The following SCLY variants were observed in gnomAD, a reference collection of about 807,000 sequenced individuals.
SCLY encodes the protein selenocysteine lyase.
SCLY carries 38 observed loss-of-function variants against 50.1 expected under a neutral mutation model. The observed-to-expected ratio is 0.76, with a 90% CI of 0.59 to 0.99. The LOEUF is 0.99. Ranked by LOEUF, SCLY falls within the 50% of genes least tolerant of loss-of-function variation. The pLI is 0.00. For missense variants in SCLY, 600 were observed against 620.0 expected, an observed-to-expected ratio of 0.97 and a Z score of 0.34; for synonymous variants, 243 against 249.4, an observed-to-expected ratio of 0.97 and a Z score of 0.24.
chr2:238,081,908 A>G (rs940447172), intron 5 of SCLY, 72 bp downstream of exon 5: 2 of 1,584,648 alleles, frequency 1.3e-6, no homozygotes, highest in Admixed American at 1.7e-5. Context: ...ATGGCGTTTC[A>G]GGTTTCCCAG....
Position 238,098,789 on chromosome 2 carries a change from T to C in SCLY, c.*434T>C, listed in dbSNP as rs756954821. Reference sequence around the variant, plus strand: ...TTATCTGGAAGATAGAATCCAAGTATTTATAACTCATTGTCAGCCAAATGC... The same window carrying C: ...TTATCTGGAAGATAGAATCCAAGTACTTATAACTCATTGTCAGCCAAATGC... On this transcript the variant is annotated 3_prime_UTR_variant, in exon 12 of 12. Coordinates refer to ENST00000254663, the MANE Select transcript of SCLY (RefSeq NM_016510.7). 3 of 366,030 alleles carry C rather than the reference T, an allele frequency of 8.2e-6. No homozygotes were observed. Among genetic ancestry groups the C allele is most frequent in the African/African-American group, 2.1e-5 (1 of 46,878 alleles). 22.7% of individuals were successfully genotyped at this position (366,030 alleles called of 1,614,324 possible). A position where few individuals can be genotyped will look rare whatever the true frequency, so the allele number is the denominator to read the frequency against.
chr2:238,094,619 G>C (rs41270749), intron 10 of SCLY, 97 bp downstream of exon 10: 52,078 of 1,055,200 alleles, frequency 0.049, 2,531 homozygotes, highest in East Asian at 0.19. Context: ...GCCCTGCCCT[G>C]AGCATGACAC....
At chr2:238,089,181 AC>A (rs1184993174) in intron 7 of SCLY, among the ~76,000 whole-genome samples, 2 of 152,182 alleles carry the variant, frequency 1.3e-5, no homozygotes, top group African/African-American at 4.8e-5. Flanking sequence ...AAACAAAATT[AC>A]TCAGATATAA....
chr2:238,089,789 A>G (rs1313208097), intron 7 of SCLY, among the ~76,000 whole-genome samples: 1 of 152,172 alleles, frequency 6.6e-6, no homozygotes, highest in Admixed American at 6.5e-5. Flanking sequence ...CTCAAAATAG[A>G]TCTTGAAATT....
At chr2:238,098,064 C>G in intron 11 of SCLY, 138 bp from the exon 12 acceptor site, 3 of 983,606 alleles carry the variant, frequency 3.1e-6, no homozygotes, top group Non-Finnish European at 3.0e-6. Flanking sequence ...GGGAGTTTAG[C>G]AGGAGGTGGA....
chr2:238,082,284 A>C, intron 6 of SCLY, 75 bp downstream of exon 6: 1 of 1,423,098 alleles, frequency 7.0e-7, no homozygotes, highest in East Asian at 2.5e-5. Flanking sequence ...TCGGTCCGTA[A>C]GCCTCACTGC....
chr2:238,082,891 C>T, intron 6 of SCLY: 1 of 330,136 alleles, frequency 3.0e-6, no homozygotes, highest in Non-Finnish European at 6.2e-6. Flanking sequence ...CCGCTGGTTC[C>T]AACCCCTCTC....
At chr2:238,061,377 C>T (rs75845245) in intron 1 of SCLY, 20,285 of 683,416 alleles carry the variant, frequency 0.03, 382 homozygotes, top group Non-Finnish European at 0.037. Flanking sequence ...ACCCGAGTGA[C>T]TTCCAGGGGT....
chr2:238,071,850 A>G (rs2065130943), intron 4 of SCLY, among the ~76,000 whole-genome samples: 1 of 152,190 alleles, frequency 6.6e-6, no homozygotes, highest in African/African-American at 2.4e-5. Flanking sequence ...GTCTCCACAC[A>G]TCCCAGTGGA....
In SCLY at chr2:238,098,529, A is replaced by T; in HGVS notation, c.*174A>T. Reference sequence around the variant, plus strand: ...CCAGTTTCCTTCCCTGGACCCCTGCAGAGCTCACAGGGCCCAGGACACCAA... The same window carrying T: ...CCAGTTTCCTTCCCTGGACCCCTGCTGAGCTCACAGGGCCCAGGACACCAA... On this transcript the variant is annotated 3_prime_UTR_variant, in exon 12 of 12. Coordinates refer to ENST00000254663, the MANE Select transcript of SCLY (RefSeq NM_016510.7). 1 of 652,786 alleles carries T rather than the reference A, an allele frequency of 1.5e-6. No homozygotes were observed. Among genetic ancestry groups the T allele is most frequent in the Non-Finnish European group, 2.3e-6 (1 of 434,390 alleles). The allele number at this position is 652,786 out of a possible 1,614,324, so 40.4% of individuals were successfully genotyped here.
At position 238,068,106 on chromosome 2, in the gene SCLY, C is replaced by T. The variant is rs1242729463; in HGVS notation, c.244C>T (p.Leu82Phe). Residue 82 changes from leucine to phenylalanine, a missense_variant, in exon 3 of 12, where the codon CTC (leucine) becomes TTC (phenylalanine). Coordinates refer to ENST00000254663, the MANE Select transcript of SCLY (RefSeq NM_016510.7). ...TATTATAAATGCAGCTCGGGAAAGC[C>T]TCGCGAAGATGATAGGGGGGAAACC... ...KDIINAARES[L>F]AKMIGGKPQD... The T allele has an allele frequency of 1.2e-6, 2 of 1,612,166 alleles. No individual in the cohort carries two copies. The highest frequency in any genetic ancestry group is 1.3e-5 in the African/African-American group (1 of 74,820).
intron 7 of SCLY, among the ~76,000 whole-genome samples, chr2:238,088,798 T>C (rs527253204): frequency 1.3e-5 from 2 of 152,226 alleles, no homozygotes; most frequent in Non-Finnish European, 2.9e-5. Context: ...ACATAAAACC[T>C]ACAGCTGATA....
At chr2:238,090,399 C>T (rs141472007) in intron 7 of SCLY, among the ~76,000 whole-genome samples, 3,924 of 152,278 alleles carry the variant, frequency 0.026, 169 homozygotes, top group African/African-American at 0.09. Context: ...ACCTGTGATC[C>T]CAGCACTTTG....
Position 238,075,144 on chromosome 2 carries a change from CCATTTATTGAGATGAT to C in SCLY, c.484+5687_484+5702del, listed in dbSNP as rs958490180. On this transcript the variant is annotated intron_variant, in intron 4 of 11. Transcript: ENST00000254663. ...AAAGGGGTGTTGGATTTTGTTAAAT[CCATTTATTGAGATGAT>C]CATTTATTGAGATGATCATGTGGGT... 1.6e-4 allele frequency among the ~76,000 whole-genome samples: 24 copies of C among 152,146 alleles called. No homozygotes were observed. In the South Asian group the frequency reaches 1.9e-3, roughly 12 times the overall value.
chr2:238,098,507 G>T lies in SCLY; in HGVS notation c.*152G>T. 1.1e-6 allele frequency: 1 copy of T among 912,738 alleles called. No homozygotes were observed. Among genetic ancestry groups the T allele is most frequent in the Non-Finnish European group, 1.6e-6 (1 of 627,642 alleles). 56.5% of individuals were successfully genotyped at this position (912,738 alleles called of 1,614,324 possible). Reference sequence around the variant, plus strand: ...GAGTGCCAGCGAGTGTGCACCCCCAGTTTCCTTCCCTGGACCCCTGCAGAG... The same window carrying T: ...GAGTGCCAGCGAGTGTGCACCCCCATTTTCCTTCCCTGGACCCCTGCAGAG... On this transcript the variant is annotated 3_prime_UTR_variant, in exon 12 of 12. Coordinates refer to ENST00000254663, the MANE Select transcript of SCLY (RefSeq NM_016510.7).
chr2:238,084,885 C>A (rs2065275696), intron 7 of SCLY, among the ~76,000 whole-genome samples: 1 of 90,002 alleles, frequency 1.1e-5, no homozygotes, highest in African/African-American at 4.4e-5. Flanking sequence ...CAGAGAGAGA[C>A]TCCATCTCAA....
intron 7 of SCLY, among the ~76,000 whole-genome samples, chr2:238,089,630 ATTTTTTTTTTTTTTGCGAT>A (rs1297232986): frequency 7.6e-6 from 1 of 132,372 alleles, no homozygotes; most frequent in Non-Finnish European, 1.6e-5. Flanking sequence ...TAAAACATTG[ATTTTTTTTTTTTTTGCGAT>A]TTTTTTTTTT....
intron 1 of SCLY, among the ~76,000 whole-genome samples, chr2:238,063,334 C>A (rs1347601409): frequency 2.0e-5 from 3 of 151,092 alleles, no homozygotes; most frequent in Non-Finnish European, 4.4e-5. Context: ...CTCACAGCAA[C>A]CTCTGCCTCC....
chr2:238,085,637 G>C (rs2065287698), intron 7 of SCLY, among the ~76,000 whole-genome samples: 1 of 152,038 alleles, frequency 6.6e-6, no homozygotes, highest in Non-Finnish European at 1.5e-5. Context: ...TGAGGCAGGA[G>C]AATCCCTTGA....
Sources: allele counts gnomAD v4.1 joint callset (sites outside exome capture counted in the v4.1 genomes callset), GRCh38; gene constraint gnomAD v4.1.1; transcripts MANE v1.5; gene names NCBI Gene and HGNC (gene_info 2026-07-23, HGNC 2026-07-21).